Variants in NRG1 observed in about 807,000 individuals in gnomAD.
NRG1 encodes the protein pro-neuregulin-1, membrane-bound isoform.
NRG1 carries 18 observed loss-of-function variants against 63.8 expected under a neutral mutation model. The observed-to-expected ratio is 0.28, with a 90% CI of 0.19 to 0.42. NRG1 has a LOEUF of 0.42. NRG1 is among the 10% of genes least tolerant of loss of function. NRG1 has a pLI of 1.00. For synonymous variants in NRG1, 302 were observed against 301.3 expected (o/e 1.00, Z -0.02); for missense variants, 762 against 814.7 (o/e 0.94, Z 0.79).
At chr8:32,083,847 C>A (rs1827856693) in intron 1 of NRG1, among the ~76,000 whole-genome samples, 1 of 151,776 alleles carries the variant, frequency 6.6e-6, no homozygotes. Flanking sequence ...TTCATGTAGA[C>A]CATAATGGTA....
At chr8:31,989,230 T>A (rs1304686663) in intron 1 of NRG1, among the ~76,000 whole-genome samples, 2 of 85,328 alleles carry the variant, frequency 2.3e-5, no homozygotes, top group Non-Finnish European at 4.0e-5. Flanking sequence ...CACTCCAACC[T>A]GGGTGAGAGA....
intron 1 of NRG1, among the ~76,000 whole-genome samples, chr8:32,095,821 A>G (rs1829832558): frequency 6.6e-6 from 1 of 152,210 alleles, no homozygotes; most frequent in Non-Finnish European, 1.5e-5. Context: ...AGAAGGAAAA[A>G]TATTATTATA....
intron 1 of NRG1, among the ~76,000 whole-genome samples, chr8:31,668,122 A>G (rs1480825550): frequency 6.6e-6 from 1 of 152,212 alleles, no homozygotes; most frequent in African/African-American, 2.4e-5. Context: ...AAAATTTTCT[A>G]TAAGTAAGCA....
At chr8:32,225,291 C>G (rs527759240) in intron 1 of NRG1, among the ~76,000 whole-genome samples, 1 of 152,168 alleles carries the variant, frequency 6.6e-6, no homozygotes, top group Non-Finnish European at 1.5e-5. Context: ...TCCCTCATGT[C>G]CAGATAGGAT....
At chr8:31,682,313 T>C (rs754770143) in intron 1 of NRG1, among the ~76,000 whole-genome samples, 2 of 152,122 alleles carry the variant, frequency 1.3e-5, no homozygotes, top group African/African-American at 4.8e-5. Flanking sequence ...TTGCTCCACA[T>C]CCTCGCCATT....
chr8:32,696,194 G>A (rs1429978333), intron 5 of NRG1, among the ~76,000 whole-genome samples: 1 of 152,124 alleles, frequency 6.6e-6, no homozygotes, highest in Non-Finnish European at 1.5e-5. Context: ...GGAATACATA[G>A]AAAATAAAAA....
intron 1 of NRG1, among the ~76,000 whole-genome samples, chr8:32,002,675 G>A (rs1813124472): frequency 6.6e-6 from 1 of 152,074 alleles, no homozygotes; most frequent in Admixed American, 6.6e-5. Flanking sequence ...AGACCTGAGT[G>A]CTAAGTGTGA....
chr8:31,640,972 A>G lies in NRG1; in HGVS notation c.37+1541A>G, dbSNP rs1480347198. Reference sequence around the variant, plus strand: ...TTTAGTCCTGGGTTGGGGCCTCCTGAAACTTTTTAATCCTTTGGGGTTTGG... The same window carrying G: ...TTTAGTCCTGGGTTGGGGCCTCCTGGAACTTTTTAATCCTTTGGGGTTTGG... On this transcript the variant is annotated intron_variant, in intron 1 of 10. Transcript: ENST00000519301. The surrounding 1 kb of genome is among the most constrained non-coding windows in gnomAD (Gnocchi z 6.3). Among the ~76,000 whole-genome samples the G allele has an allele frequency of 6.6e-6, 1 of 152,218 alleles. No homozygotes were observed. Among genetic ancestry groups the G allele is most frequent in the Non-Finnish European group, 1.5e-5 (1 of 68,046 alleles).
chr8:32,047,837 A>G (rs978164121), intron 1 of NRG1, among the ~76,000 whole-genome samples: 4 of 151,838 alleles, frequency 2.6e-5, no homozygotes, highest in African/African-American at 7.3e-5. Flanking sequence ...GATAGTCACC[A>G]TGGTACAATA....
intron 1 of NRG1, among the ~76,000 whole-genome samples, chr8:31,718,316 A>G (rs1424665877): frequency 1.3e-5 from 2 of 152,134 alleles, no homozygotes; most frequent in South Asian, 4.1e-4. Context: ...AATGGGTGCA[A>G]CTAGACTCAG....
chr8:31,813,657 A>C (rs759511670), intron 1 of NRG1, among the ~76,000 whole-genome samples: 1 of 150,500 alleles, frequency 6.6e-6, no homozygotes, highest in East Asian at 2.0e-4. Context: ...GACCCTCACT[A>C]TCTGGGACTA....
intron 1 of NRG1, among the ~76,000 whole-genome samples, chr8:31,810,832 G>A (rs1342427632): frequency 1.3e-5 from 2 of 152,208 alleles, no homozygotes; most frequent in East Asian, 3.9e-4. Flanking sequence ...CTCTGAGGGT[G>A]CTGAATCATT....
chr8:32,486,089 T>G (rs1211021650), intron 1 of NRG1, among the ~76,000 whole-genome samples: 1 of 151,902 alleles, frequency 6.6e-6, no homozygotes, highest in Non-Finnish European at 1.5e-5. Flanking sequence ...CCCCTCCCCA[T>G]GCCTGGCTAA....
At chr8:32,053,407 C>T (rs183484465) in intron 1 of NRG1, among the ~76,000 whole-genome samples, 4 of 152,060 alleles carry the variant, frequency 2.6e-5, no homozygotes, top group Non-Finnish European at 5.9e-5. Context: ...ATAAGAAGAG[C>T]CCCCAGGAAG....
chr8:31,788,113 G>A (rs1466846879), intron 1 of NRG1, among the ~76,000 whole-genome samples: 1 of 151,774 alleles, frequency 6.6e-6, no homozygotes, highest in Non-Finnish European at 1.5e-5. Context: ...ATTTTATCTT[G>A]TATCTGTAAA....
chr8:32,570,465 A>G (rs1048595476), intron 1 of NRG1, among the ~76,000 whole-genome samples: 1 of 152,148 alleles, frequency 6.6e-6, no homozygotes, highest in African/African-American at 2.4e-5. Flanking sequence ...TCTGACTTAT[A>G]TATAAAAACT....
intron 1 of NRG1, among the ~76,000 whole-genome samples, chr8:32,364,852 G>C (rs1012688048): frequency 1.3e-5 from 2 of 151,560 alleles, no homozygotes; most frequent in Non-Finnish European, 2.9e-5. Context: ...TATCTGATGA[G>C]TGAAAAATGA....
chr8:31,786,306 A>C (rs1438537314), intron 1 of NRG1, among the ~76,000 whole-genome samples: 1 of 152,214 alleles, frequency 6.6e-6, no homozygotes, highest in Non-Finnish European at 1.5e-5. Flanking sequence ...AGGAAAAACT[A>C]AACCAAAGTG....
chr8:32,467,977 A>G (rs541495777), intron 1 of NRG1, among the ~76,000 whole-genome samples: 10 of 152,340 alleles, frequency 6.6e-5, no homozygotes, highest in African/African-American at 2.4e-4. Context: ...GACCCAACAC[A>G]GAAGCCTCCA....
Sources: allele counts gnomAD v4.1 joint callset (sites outside exome capture counted in the v4.1 genomes callset), GRCh38; gene constraint gnomAD v4.1.1; non-coding constraint Gnocchi (gnomAD v3.1); transcripts MANE v1.5; gene names NCBI Gene and HGNC (gene_info 2026-07-23, HGNC 2026-07-21).